The following DOCK5 variants were observed in gnomAD, a reference collection of about 807,000 sequenced individuals.
The protein encoded by DOCK5 is dedicator of cytokinesis protein 5.
A neutral mutation model predicts 251.8 loss-of-function variants in DOCK5; 142 were observed. That is an observed-to-expected ratio of 0.56 (90% CI 0.49 to 0.65). The LOEUF is 0.65. Among genes scored for constraint, DOCK5 ranks in the 30% least tolerant of loss-of-function variants. DOCK5 has a pLI of 0.00. For missense variants in DOCK5, 2,111 were observed against 2,312.3 expected (o/e 0.91, Z 1.79); for synonymous variants, 842 against 835.5 (o/e 1.01, Z -0.13).
intron 2 of DOCK5, among the ~76,000 whole-genome samples, chr8:25,251,070 A>G (rs1042612120): frequency 5.9e-5 from 9 of 152,140 alleles, no homozygotes; most frequent in African/African-American, 2.2e-4. Flanking sequence ...TCCAGTCACA[A>G]GTGGTTTTAG....
chr8:25,366,352 C>G lies in DOCK5; in HGVS notation c.3124-518C>G, dbSNP rs1004313218. Among the ~76,000 whole-genome samples the G allele has an allele frequency of 2.0e-5, 3 of 152,042 alleles. No individual in the cohort carries two copies. In the South Asian group the frequency reaches 6.2e-4, roughly 31 times the overall value. The stretch of plus-strand genomic sequence containing the variant: ...CTAAAAATGCAAAAACTAGCTAGGC[C>G]TGGTAGTGGGTGCCTGTAATCCCAG... On this transcript the variant is annotated intron_variant, in intron 30 of 51. Coordinates refer to ENST00000276440, the MANE Select transcript of DOCK5 (RefSeq NM_024940.8).
intron 5 of DOCK5, among the ~76,000 whole-genome samples, chr8:25,286,413 C>T (rs576895214): frequency 1.3e-5 from 2 of 152,272 alleles, no homozygotes; most frequent in African/African-American, 4.8e-5. Context: ...TAGTTCCAGT[C>T]TCTTTATTTT....
rs1012078182 is a variant in DOCK5 at position 25,408,387 on chromosome 8, T to C, written c.5265+233T>C. Among the ~76,000 whole-genome samples the C allele has an allele frequency of 5.3e-5, 8 of 152,104 alleles. 1 individual carries two copies. In the South Asian group the frequency reaches 8.3e-4, roughly 16 times the overall value. ...AGATCTTGTACCCACAATGTAAACA[T>C]GTGGGTTGATGCTTAGAGCTGTCGT... On this transcript the variant is annotated intron_variant, in intron 49 of 51. Coordinates refer to ENST00000276440, the MANE Select transcript of DOCK5 (RefSeq NM_024940.8).
Position 25,321,032 on chromosome 8 carries a change from G to A in DOCK5, c.1595G>A (p.Arg532Gln), listed in dbSNP as rs368897597. The A allele has an allele frequency of 1.8e-4, 288 of 1,613,314 alleles. No individual in the cohort carries two copies. Among genetic ancestry groups the A allele is most frequent in the Non-Finnish European group, 2.3e-4 (271 of 1,179,730 alleles). ...VTRCHIRFTF[R>Q]HRSSQETRDK... is the part of the protein sequence containing the mutation. ...CGCTGTCATATAAGATTTACCTTCC[G>A]ACACAGGTCATCTCAGGAAAGTAAG... is the stretch of plus-strand genomic sequence containing the variant. The change falls in exon 16 of 52, where the codon CGA (arginine) becomes CAA (glutamine). Residue 532 changes from arginine (R) to glutamine (Q), a missense_variant. Physicochemically the swap from Arg to Gln is conservative, Grantham distance 43. Around this residue, in one of 3 missense-constraint regions of DOCK5, gnomAD observed 1,717 missense variants for 1,892.4 expected, o/e 0.91. Coordinates refer to ENST00000276440, the MANE Select transcript of DOCK5 (RefSeq NM_024940.8).
At chr8:25,324,901 G>GT (rs546010952) in intron 17 of DOCK5, among the ~76,000 whole-genome samples, 2,733 of 150,024 alleles carry the variant, frequency 0.018, 67 homozygotes, top group African/African-American at 0.063. Flanking sequence ...GCGGTGTTTG[G>GT]TTTTTTGTCC....
At chr8:25,341,256 T>A (rs1195504544) in intron 23 of DOCK5, among the ~76,000 whole-genome samples, 1 of 152,210 alleles carries the variant, frequency 6.6e-6, no homozygotes, top group Admixed American at 6.5e-5. Flanking sequence ...TTTGACCCCA[T>A]GATTTCAGCA....
chr8:25,268,581 A>G (rs991299220), intron 2 of DOCK5, among the ~76,000 whole-genome samples: 6 of 152,122 alleles, frequency 3.9e-5, no homozygotes, highest in African/African-American at 9.7e-5. Context: ...CTATTGTTCT[A>G]TTCTTCCTCC....
rs532997416 is a variant in DOCK5, at chr8:25,214,394, G to A, written c.44-29280G>A. 6.8e-4 allele frequency among the ~76,000 whole-genome samples: 104 copies of A among 152,234 alleles called. No homozygotes were observed. The Middle Eastern group carries it at 0.01, about 15-fold the overall frequency. ...GTTGGGTGTGTGTCTTGGGGTCAAGGGATCCTGGGCACATGAGTGGGGAAG... is the reference window on the plus strand; with the variant it reads ...GTTGGGTGTGTGTCTTGGGGTCAAGAGATCCTGGGCACATGAGTGGGGAAG... On this transcript the variant is annotated intron_variant, in intron 1 of 51. Transcript: ENST00000276440.
chr8:25,371,654 A>G (rs958743574), intron 34 of DOCK5, among the ~76,000 whole-genome samples: 3 of 152,192 alleles, frequency 2.0e-5, no homozygotes, highest in African/African-American at 7.2e-5. Context: ...TTCTGATCTT[A>G]TATGGAATTA....
In DOCK5 at chr8:25,323,148, AAG is replaced by A. The variant is rs558025306; in HGVS notation, c.1616-693_1616-692del. Among the ~76,000 whole-genome samples the A allele has an allele frequency of 2.4e-3, 359 of 152,250 alleles. 4 individuals carry two copies. Among genetic ancestry groups the A allele is most frequent in the African/African-American group, 8.2e-3 (342 of 41,524 alleles). ...AGTTCAGAGACTGGCCCCGAAGACC[AAG>A]AGAGAGGAGCTCTGCCTCCTCATGA... On this transcript the variant is annotated intron_variant, in intron 16 of 51. Transcript: ENST00000276440.
intron 18 of DOCK5, among the ~76,000 whole-genome samples, chr8:25,330,913 A>C (rs539643223): frequency 6.6e-6 from 1 of 152,128 alleles, no homozygotes; most frequent in African/African-American, 2.4e-5. Flanking sequence ...GCCCTTCTCT[A>C]CAAAAAATAC....
chr8:25,394,806 T>A lies in DOCK5; in HGVS notation c.4528-737T>A, dbSNP rs899330333. On this transcript the variant is annotated intron_variant, in intron 44 of 51. Transcript: ENST00000276440. ...TCATCATTCTACTTTGTAAGGAGATTTTAAATAGCTTATTTTGTATCTTAC... is the reference window on the plus strand; with the variant it reads ...TCATCATTCTACTTTGTAAGGAGATATTAAATAGCTTATTTTGTATCTTAC... Among the ~76,000 whole-genome samples the A allele has an allele frequency of 2.0e-5, 3 of 152,174 alleles. No homozygotes were observed. In the South Asian group the frequency reaches 6.2e-4, roughly 32 times the overall value.
intron 22 of DOCK5, 57 bp downstream of exon 22, chr8:25,336,430 T>C: frequency 6.3e-7 from 1 of 1,596,172 alleles, no homozygotes; most frequent in Non-Finnish European, 8.6e-7. Flanking sequence ...TGTGTGCTTT[T>C]TCCCTCACTC....
intron 1 of DOCK5, among the ~76,000 whole-genome samples, chr8:25,185,662 G>A (rs550052984): frequency 2.0e-5 from 3 of 152,298 alleles, no homozygotes; most frequent in Admixed American, 1.3e-4. Flanking sequence ...TCCTGGAGAC[G>A]AGAAGAGGAC....
intron 2 of DOCK5, among the ~76,000 whole-genome samples, chr8:25,258,601 G>A (rs1007855289): frequency 6.6e-6 from 1 of 152,046 alleles, no homozygotes; most frequent in African/African-American, 2.4e-5. Context: ...CTGCCCACTG[G>A]GCATGGGATC....
intron 27 of DOCK5, among the ~76,000 whole-genome samples, chr8:25,357,564 G>A (rs1800599413): frequency 6.6e-6 from 1 of 151,716 alleles, no homozygotes; most frequent in Non-Finnish European, 1.5e-5. Flanking sequence ...TTTTAATAGA[G>A]ATGGGGTTTC....
chr8:25,302,896 T>C (rs1166932757), intron 10 of DOCK5, among the ~76,000 whole-genome samples: 1 of 152,164 alleles, frequency 6.6e-6, no homozygotes, highest in African/African-American at 2.4e-5. Flanking sequence ...GTGGTGAGTG[T>C]CAGGGGCTGG....
At position 25,380,353 on chromosome 8, in the gene DOCK5, G is replaced by A. The variant is rs534293524; in HGVS notation, c.3985G>A (p.Glu1329Lys). Residue 1329 changes from glutamate to lysine, a missense_variant, in exon 39 of 52, where the codon GAA (glutamate) becomes AAA (lysine). Around this residue, in one of 3 missense-constraint regions of DOCK5, gnomAD observed 1,717 missense variants for 1,892.4 expected, o/e 0.91. Transcript: ENST00000276440. ...KLSKELAETYESKVFDYEGLG... is the reference protein window; with the variant it reads ...KLSKELAETYKSKVFDYEGLG... ...GAGCAAAGAGTTGGCTGAGACTTACGAAAGCAAAGTATTTGACTACGAGGG... is the reference window on the plus strand; with the variant it reads ...GAGCAAAGAGTTGGCTGAGACTTACAAAAGCAAAGTATTTGACTACGAGGG... 1.0e-4 allele frequency: 162 copies of A among 1,611,938 alleles called. No individual in the cohort carries two copies. The highest frequency in any genetic ancestry group is 1.3e-4 in the Non-Finnish European group (150 of 1,179,066).
chr8:25,209,136 C>T (rs369420919), intron 1 of DOCK5, among the ~76,000 whole-genome samples: 6 of 152,094 alleles, frequency 3.9e-5, no homozygotes, highest in African/African-American at 1.4e-4. Flanking sequence ...GGGTGCACTG[C>T]TCTAGTATGA....
Sources: gnomAD v4.1 joint callset for allele counts (sites outside exome capture counted in the v4.1 genomes callset) on GRCh38, gnomAD v4.1.1 for gene constraint, gnomAD v4.1.1 regional missense constraint, MANE v1.5 for transcripts, NCBI Gene and HGNC (gene_info 2026-07-23, HGNC 2026-07-21) for gene names.